SPAG16: variants seen among roughly 807,000 people sequenced by gnomAD.
The protein encoded by SPAG16 is sperm associated antigen 16.
In SPAG16, 86 loss-of-function variants were observed where a neutral mutation model predicts 80.4. That is an observed-to-expected ratio of 1.07 (90% CI 0.90 to 1.28). The LOEUF (loss-of-function observed/expected upper bound fraction) is 1.28. Among genes scored for constraint, SPAG16 ranks in the 50% most tolerant of loss-of-function variants. The pLI, the probability that SPAG16 is intolerant of heterozygous loss-of-function variation, is 0.00. For missense variants in SPAG16, 870 were observed against 765.3 expected, an observed-to-expected ratio of 1.14 and a Z score of -1.61; for synonymous variants, 294 against 265.9, an observed-to-expected ratio of 1.11 and a Z score of -1.03.
At chr2:213,475,038 C>G (rs2073295104) in intron 9 of SPAG16, among the ~76,000 whole-genome samples, 1 of 152,160 alleles carries the variant, frequency 6.6e-6, no homozygotes, top group African/African-American at 2.4e-5. Flanking sequence ...AAAGCTCTTC[C>G]CCTTGCTTGG....
chr2:214,055,729 A>G (rs1221334443), intron 13 of SPAG16, among the ~76,000 whole-genome samples: 2 of 152,160 alleles, frequency 1.3e-5, no homozygotes, highest in Non-Finnish European at 2.9e-5. Flanking sequence ...TATTGCCTTC[A>G]TTTAAAAAAA....
intron 15 of SPAG16, among the ~76,000 whole-genome samples, chr2:214,256,869 T>C (rs1248537217): frequency 6.6e-6 from 1 of 152,008 alleles, no homozygotes; most frequent in Non-Finnish European, 1.5e-5. Flanking sequence ...CCAAAGCTGT[T>C]TTTCTTTTCA....
At chr2:214,354,136 TTAAAA>T (rs1698608703) in intron 15 of SPAG16, among the ~76,000 whole-genome samples, 1 of 151,818 alleles carries the variant, frequency 6.6e-6, no homozygotes, top group Non-Finnish European at 1.5e-5. Context: ...CCCCAAAAAA[TTAAAA>T]TAAAAAAATC....
chr2:213,598,856 C>G (rs1301693483), intron 10 of SPAG16, among the ~76,000 whole-genome samples: 1 of 152,064 alleles, frequency 6.6e-6, no homozygotes, highest in Non-Finnish European at 1.5e-5. Context: ...TAGTATGTTT[C>G]ATCATGTTAC....
chr2:213,945,268 TATATATATACACAAACACACAC>T (rs2106302704), intron 12 of SPAG16, among the ~76,000 whole-genome samples: 1 of 147,858 alleles, frequency 6.8e-6, no homozygotes, highest in African/African-American at 2.5e-5. Context: ...TATACAAGTA[TATATATATACACAAACACACAC>T]ATATATATAC....
At chr2:213,367,424 A>G (rs1267685891) in intron 8 of SPAG16, among the ~76,000 whole-genome samples, 1 of 152,210 alleles carries the variant, frequency 6.6e-6, no homozygotes, top group Non-Finnish European at 1.5e-5. Context: ...AAGTGTTCCT[A>G]TTTCTCCACA....
At position 213,356,453 on chromosome 2, in the gene SPAG16, A is replaced by G. The variant is rs36167543; in HGVS notation, c.762+5808A>G. ...TGTGATTGGTCAATTCAGAGATTCA[A>G]CTTCTTCCTAGTTTATTCTTGTGAG... On this transcript the variant is annotated intron_variant, in intron 7 of 15. Coordinates refer to ENST00000331683, the MANE Select transcript of SPAG16 (RefSeq NM_024532.5). 2.0e-3 allele frequency among the ~76,000 whole-genome samples: 304 copies of G among 152,298 alleles called. 2 individuals carry two copies. The highest frequency in any genetic ancestry group is 6.8e-3 in the African/African-American group (283 of 41,548).
At chr2:214,284,387 C>T (rs779154829) in intron 15 of SPAG16, among the ~76,000 whole-genome samples, 40 of 152,260 alleles carry the variant, frequency 2.6e-4, no homozygotes, top group Middle Eastern at 6.8e-3. Flanking sequence ...CTATACATAG[C>T]ATCTAGCACC....
At chr2:213,945,618 G>A (rs548708898) in intron 12 of SPAG16, among the ~76,000 whole-genome samples, 42 of 152,040 alleles carry the variant, frequency 2.8e-4, no homozygotes, top group Non-Finnish European at 5.1e-4. Flanking sequence ...GCCTTCCCCA[G>A]CCCACTGACT....
At chr2:213,575,138 G>A (rs1056140973) in intron 10 of SPAG16, among the ~76,000 whole-genome samples, 1 of 152,018 alleles carries the variant, frequency 6.6e-6, no homozygotes, top group South Asian at 2.1e-4. Context: ...CTTTAGTTAT[G>A]AATTCTTATC....
At chr2:213,639,675 C>G (rs1382826939) in intron 10 of SPAG16, among the ~76,000 whole-genome samples, 1 of 152,120 alleles carries the variant, frequency 6.6e-6, no homozygotes, top group Admixed American at 6.5e-5. Context: ...TCTTTAGATT[C>G]TTTCCTTTGT....
intron 9 of SPAG16, among the ~76,000 whole-genome samples, chr2:213,384,981 C>T (rs2125259344): frequency 6.6e-6 from 1 of 152,298 alleles, no homozygotes. Flanking sequence ...CTGGCCTCTG[C>T]TTTCTCAGGA....
At chr2:213,636,362 A>T (rs1322085012) in intron 10 of SPAG16, among the ~76,000 whole-genome samples, 1 of 152,112 alleles carries the variant, frequency 6.6e-6, no homozygotes, top group Non-Finnish European at 1.5e-5. Context: ...GCCTTGTAGT[A>T]TAGTTTGAAG....
intron 12 of SPAG16, among the ~76,000 whole-genome samples, chr2:213,971,130 T>G (rs549167639): frequency 6.6e-6 from 1 of 152,182 alleles, no homozygotes; most frequent in Non-Finnish European, 1.5e-5. Context: ...TAAAGTTATA[T>G]AGTTTATTTC....
intron 15 of SPAG16, among the ~76,000 whole-genome samples, chr2:214,305,654 G>T (rs1576733346): frequency 1.3e-5 from 2 of 152,064 alleles, no homozygotes; most frequent in South Asian, 4.2e-4. Context: ...GCTTGTTTTT[G>T]TCATGTTTTC....
At chr2:213,373,705 C>T (rs1370974304) in intron 8 of SPAG16, among the ~76,000 whole-genome samples, 1 of 152,142 alleles carries the variant, frequency 6.6e-6, no homozygotes, top group African/African-American at 2.4e-5. Flanking sequence ...TTTCTTTCCT[C>T]TGATATTACT....
At chr2:214,226,618 C>T (rs1326572531) in intron 15 of SPAG16, among the ~76,000 whole-genome samples, 1 of 151,984 alleles carries the variant, frequency 6.6e-6, no homozygotes, top group African/African-American at 2.4e-5. Flanking sequence ...GTGCCTAGAA[C>T]AGAAAAGTGA....
chr2:213,761,867 A>G (rs1487256189), intron 10 of SPAG16, among the ~76,000 whole-genome samples: 1 of 134,906 alleles, frequency 7.4e-6, no homozygotes, highest in Non-Finnish European at 1.7e-5. Flanking sequence ...TTCCGTGTCA[A>G]AAAACAAAAA....
intron 13 of SPAG16, among the ~76,000 whole-genome samples, chr2:214,043,567 A>C (rs2049151249): frequency 6.6e-6 from 1 of 152,100 alleles, no homozygotes; most frequent in African/African-American, 2.4e-5. Context: ...TAATTGTCAG[A>C]AAAATTGATG....
Sources: gnomAD v4.1 joint callset for allele counts (sites outside exome capture counted in the v4.1 genomes callset) on GRCh38, gnomAD v4.1.1 for gene constraint, MANE v1.5 for transcripts, NCBI Gene and HGNC (gene_info 2026-07-23, HGNC 2026-07-21) for gene names.